The following VPS13A variants were observed in gnomAD, a reference collection of about 807,000 sequenced individuals.
VPS13A encodes the protein vacuolar protein sorting 13 homolog A.
A neutral mutation model predicts 390.9 loss-of-function variants in VPS13A; 264 were observed. The ratio of observed to expected loss-of-function variants is 0.68; its 90% CI spans 0.61 to 0.75. The LOEUF is 0.75. Among genes scored for constraint, VPS13A ranks in the 30% least tolerant of loss-of-function variants. The pLI is 0.00. For synonymous variants in VPS13A, 1,231 were observed against 1,227.1 expected, an observed-to-expected ratio of 1.00 and a Z score of -0.07; for missense variants, 3,409 against 3,733.9, an observed-to-expected ratio of 0.91 and a Z score of 2.27.
intron 19 of VPS13A, among the ~76,000 whole-genome samples, chr9:77,239,482 G>A (rs2131235425): frequency 6.6e-6 from 1 of 151,780 alleles, no homozygotes; most frequent in East Asian, 1.9e-4. Flanking sequence ...CATCTTTAAT[G>A]CTTTAATTTT....
At chr9:77,214,489 CTA>C (rs1822741922) in intron 10 of VPS13A, 103 bp downstream of exon 10, 1 of 865,150 alleles carries the variant, frequency 1.2e-6, no homozygotes, top group Non-Finnish European at 1.9e-6. Flanking sequence ...AAATTTCCTT[CTA>C]TATAGTTAAA....
chr9:77,283,964 C>CTTTTTTT (rs779066797), intron 31 of VPS13A, among the ~76,000 whole-genome samples: 4 of 129,624 alleles, frequency 3.1e-5, no homozygotes, highest in African/African-American at 5.7e-5. Context: ...ACCTTTTTCA[C>CTTTTTTT]TTTTTTTTTT....
In VPS13A at chr9:77,370,347, A is replaced by G; in HGVS notation, c.8743+15A>G. 2 of 1,614,162 alleles carry G rather than the reference A, an allele frequency of 1.2e-6. No homozygotes were observed. Among genetic ancestry groups the G allele is most frequent in the South Asian group, 2.2e-5 (2 of 91,084 alleles). On this transcript the variant is annotated intron_variant, in intron 64 of 71. Coordinates refer to ENST00000360280, the MANE Select transcript of VPS13A (RefSeq NM_033305.3). ...TGGAGCTGTTGGTAAGAAACAGAAT[A>G]TCTACCAAGTATTTTTGTGCTAGAA...
At chr9:77,342,245 G>C (rs1456012512) in intron 50 of VPS13A, among the ~76,000 whole-genome samples, 1 of 152,142 alleles carries the variant, frequency 6.6e-6, no homozygotes, top group African/African-American at 2.4e-5. Context: ...TACTGTGATA[G>C]TACAGATTGA....
At chr9:77,300,085 A>T (rs1444847830) in intron 33 of VPS13A, among the ~76,000 whole-genome samples, 2 of 152,210 alleles carry the variant, frequency 1.3e-5, no homozygotes, top group Non-Finnish European at 2.9e-5. Flanking sequence ...CAGAACTAGT[A>T]TAAAAAAAAT....
chr9:77,380,512 A>T (rs1833369878), intron 67 of VPS13A, among the ~76,000 whole-genome samples: 1 of 151,976 alleles, frequency 6.6e-6, no homozygotes, highest in South Asian at 2.1e-4. Flanking sequence ...GGGTTTCACC[A>T]TATTGGCCAG....
rs1421862939 is a variant in VPS13A at position 77,357,328 on chromosome 9, A to G, written c.7807-364A>G. Among the ~76,000 whole-genome samples the G allele has an allele frequency of 3.1e-5, 4 of 129,772 alleles. No individual in the cohort carries two copies. The South Asian group carries it at 1.1e-3, about 36-fold the overall frequency. 85.1% of individuals were successfully genotyped at this position (129,772 alleles called of 152,430 possible). A position where few individuals can be genotyped will look rare whatever the true frequency, so the allele number is the denominator to read the frequency against. On this transcript the variant is annotated intron_variant, in intron 55 of 71. Transcript: ENST00000360280. ...CAAGACTCTGTCTCAAAAAAAAAAAAAAAAAAAAAAAAAAGAAAAGAAAAC... is the reference window on the plus strand; with the variant it reads ...CAAGACTCTGTCTCAAAAAAAAAAAGAAAAAAAAAAAAAAGAAAAGAAAAC...
At chr9:77,368,692 T>A (rs1832578274) in intron 62 of VPS13A, among the ~76,000 whole-genome samples, 1 of 152,202 alleles carries the variant, frequency 6.6e-6, no homozygotes, top group African/African-American at 2.4e-5. Flanking sequence ...TATATGTTTC[T>A]CCAATCTATA....
intron 59 of VPS13A, among the ~76,000 whole-genome samples, chr9:77,363,245 TC>T (rs1320596371): frequency 6.6e-6 from 1 of 152,098 alleles, no homozygotes; most frequent in Non-Finnish European, 1.5e-5. Context: ...TTCCTAGACA[TC>T]CTTTTTCAGG....
rs781395681 is a variant in VPS13A, at chr9:77,360,592, A to G, written c.8162A>G (p.Tyr2721Cys). ...MDLRLDLGFI[Y>C]ALTDLMTEAE... ...CTCAGGTTAGATCTTGGGTTTATCT[A>G]TGCTTTAACAGACCTTATGACAGAA... The change falls in exon 59 of 72, where the codon TAT (tyrosine) becomes TGT (cysteine). Residue 2721 changes from tyrosine to cysteine, a missense_variant. Coordinates refer to ENST00000360280, the MANE Select transcript of VPS13A (RefSeq NM_033305.3). 2.2e-5 allele frequency: 35 copies of G among 1,613,088 alleles called. No individual in the cohort carries two copies. Among genetic ancestry groups the G allele is most frequent in the Admixed American group, 1.2e-4 (7 of 59,984 alleles).
At chr9:77,325,052 A>G (rs766093307) in intron 45 of VPS13A, among the ~76,000 whole-genome samples, 6 of 152,164 alleles carry the variant, frequency 3.9e-5, no homozygotes, top group African/African-American at 1.2e-4. Context: ...GTTAACAACT[A>G]TCTACACAGA....
At chr9:77,200,222 C>T (rs1181832613) in intron 2 of VPS13A, among the ~76,000 whole-genome samples, 1 of 152,096 alleles carries the variant, frequency 6.6e-6, no homozygotes, top group East Asian at 1.9e-4. Context: ...CATGGTGGCT[C>T]ATGCCTGTAA....
At chr9:77,306,969 C>T (rs1037327826) in intron 34 of VPS13A, among the ~76,000 whole-genome samples, 3 of 149,198 alleles carry the variant, frequency 2.0e-5, no homozygotes, top group East Asian at 2.0e-4. Flanking sequence ...GGCAGTGGCG[C>T]GATCTCGGCT....
intron 7 of VPS13A, chr9:77,211,340 T>C (rs1825963165): frequency 6.6e-6 from 1 of 152,166 alleles, no homozygotes; most frequent in Admixed American, 6.5e-5. Flanking sequence ...AATGTAGGAT[T>C]ATAAAAGTTT....
chr9:77,257,825 T>G (rs537112871), intron 22 of VPS13A, among the ~76,000 whole-genome samples: 157 of 152,304 alleles, frequency 1.0e-3, no homozygotes, highest in African/African-American at 3.6e-3. Flanking sequence ...TTGTTTCCTG[T>G]TTTGCCCCCT....
chr9:77,356,617 A>G lies in VPS13A; in HGVS notation c.7653-97A>G. On this transcript the variant is annotated intron_variant, in intron 54 of 71. Transcript: ENST00000360280. Reference sequence around the variant, plus strand: ...CACTTGTAATTGAGGCTGTTCTGAAATTTTAGTGAAGGTATTGTAATTCAT... The same window carrying G: ...CACTTGTAATTGAGGCTGTTCTGAAGTTTTAGTGAAGGTATTGTAATTCAT... 5 of 1,370,112 alleles carry G rather than the reference A, an allele frequency of 3.6e-6. No individual in the cohort carries two copies. In the East Asian group the frequency reaches 1.0e-4, roughly 28 times the overall value. 84.9% of individuals were successfully genotyped at this position (1,370,112 alleles called of 1,614,324 possible).
chr9:77,204,050 A>G (rs564275897), intron 3 of VPS13A, among the ~76,000 whole-genome samples: 4 of 152,252 alleles, frequency 2.6e-5, no homozygotes, highest in Admixed American at 6.5e-5. Flanking sequence ...AAGAAATCAG[A>G]TAGTTCATTT....
Position 77,207,241 on chromosome 9 carries a change from A to ATGTG in VPS13A, c.385+1163_385+1164insGTGT, listed in dbSNP as rs1564630374. 9.0e-5 allele frequency among the ~76,000 whole-genome samples: 10 copies of ATGTG among 110,876 alleles called. No homozygotes were observed. In the South Asian group the frequency reaches 2.0e-3, roughly 22 times the overall value. The allele number at this position is 110,876 out of a possible 152,430, so 72.7% of individuals were successfully genotyped here. ...TATATATATATATATATATATATAT[A>ATGTG]TATATATATATAAAACGTGTTATAT... On this transcript the variant is annotated intron_variant, in intron 5 of 71. Transcript: ENST00000360280.
At chr9:77,191,444 C>G (rs140968897) in intron 1 of VPS13A, among the ~76,000 whole-genome samples, 1 of 151,782 alleles carries the variant, frequency 6.6e-6, no homozygotes, top group African/African-American at 2.4e-5. Context: ...TGCAGGTGTG[C>G]ACTCCTACAC....
Sources: gnomAD v4.1 joint callset for allele counts (sites outside exome capture counted in the v4.1 genomes callset) on GRCh38, gnomAD v4.1.1 for gene constraint, MANE v1.5 for transcripts, NCBI Gene and HGNC (gene_info 2026-07-23, HGNC 2026-07-21) for gene names.